RYR1: variants seen among roughly 807,000 people sequenced by gnomAD.
The protein encoded by RYR1 is central core disease of muscle.
Under a neutral mutation model 583.5 loss-of-function variants are expected in RYR1, and 342 were observed. The ratio of observed to expected loss-of-function variants is 0.59; its 90% CI spans 0.54 to 0.64. The LOEUF (loss-of-function observed/expected upper bound fraction) is 0.64, where lower values mean the gene tolerates loss of function less well. Ranked by LOEUF, RYR1 falls within the 30% of genes least tolerant of loss-of-function variation. The probability of loss-of-function intolerance (pLI) is 0.00; values close to 1 mark genes in which losing one functional copy is unlikely to be tolerated. For synonymous variants in RYR1, 2,791 were observed against 2,822.5 expected (o/e 0.99, Z 0.35); for missense variants, 6,032 against 6,917.2 (o/e 0.87, Z 4.54).
At chr19:38,468,032 T>C (rs1968204510) in intron 25 of RYR1, 1 of 561,018 alleles carries the variant, frequency 1.8e-6, no homozygotes, top group East Asian at 3.0e-5. Context: ...AATTCATCCA[T>C]CCATCCATCC....
intron 84 of RYR1, among the ~76,000 whole-genome samples, chr19:38,539,238 C>CTT (rs766181329): frequency 1.5e-4 from 18 of 118,708 alleles, no homozygotes; most frequent in African/African-American, 1.9e-4. Context: ...AAGATTTTTT[C>CTT]TTTTTTTTTT....
chr19:38,524,015 C>G, intron 70 of RYR1, 86 bp downstream of exon 70: 7 of 1,507,086 alleles, frequency 4.6e-6, no homozygotes, highest in Non-Finnish European at 6.4e-6. Flanking sequence ...CTCGAGAAAA[C>G]CCCTGCTTCT....
chr19:38,578,391 A>T (rs1482228954), intron 99 of RYR1, among the ~76,000 whole-genome samples, 187 bp downstream of exon 99: 1 of 151,472 alleles, frequency 6.6e-6, no homozygotes, highest in African/African-American at 2.4e-5. Context: ...TATTATTACT[A>T]TTTTTTTTTA....
intron 89 of RYR1, among the ~76,000 whole-genome samples, chr19:38,555,231 G>T (rs1159382054): frequency 6.6e-6 from 1 of 152,050 alleles, no homozygotes; most frequent in East Asian, 1.9e-4. Flanking sequence ...AGAGTGGACT[G>T]TTTGAGTCCA....
At position 38,494,560 on chromosome 19, in the gene RYR1, G is replaced by C; in HGVS notation, c.6483G>C (p.Gln2161His). ...DTMSLLECLG[Q>H]IRSLLIVQMG... ...TGAGCCTGCTCGAGTGCCTCGGCCA[G>C]ATCCGCTCGCTGCTCATCGTGCAGA... The change falls in exon 39 of 106, where the codon CAG becomes CAC. Residue 2161 changes from glutamine (Q) to histidine (H), a missense_variant. Physicochemically the swap from Gln to His is conservative, Grantham distance 24 (BLOSUM62 0). Around this residue, in one of 11 missense-constraint regions of RYR1, gnomAD observed 2,627 missense variants for 2,961.3 expected, o/e 0.89. Coordinates refer to ENST00000359596, the MANE Select transcript of RYR1 (RefSeq NM_000540.3). 1 of 1,614,132 alleles carries C rather than the reference G, an allele frequency of 6.2e-7. No homozygotes were observed. The highest frequency in any genetic ancestry group is 8.5e-7 in the Non-Finnish European group (1 of 1,180,030).
In RYR1 at chr19:38,442,305, G is replaced by C. The variant is rs115526671; in HGVS notation, c.166-44G>C. On this transcript the variant is annotated intron_variant, in intron 2 of 105. Transcript: ENST00000359596. ...TGTGGCAGGGAATGTTGCTGGGGTG[G>C]GGGGGTCTTCTGACCCCTCACTTAC... 5,772 of 1,300,852 alleles carry C rather than the reference G, an allele frequency of 4.4e-3. 196 individuals carry two copies. The African/African-American group carries it at 0.071, about 16-fold the overall frequency. 80.6% of individuals were successfully genotyped at this position (1,300,852 alleles called of 1,614,324 possible).
In RYR1 at chr19:38,500,536, G is replaced by C. The variant is rs1390940731; in HGVS notation, c.7324-70G>C. On this transcript the variant is annotated intron_variant, in intron 45 of 105. Transcript: ENST00000359596. This position sits in a 1 kb window ranked among gnomAD's most constrained non-coding sequence, Gnocchi z 5.9. ...TCTACCCTCCTGTGTGGTAAGGGAGGGAGCAGAGCAGTCACTGAGTGGGGC... is the reference window on the plus strand; with the variant it reads ...TCTACCCTCCTGTGTGGTAAGGGAGCGAGCAGAGCAGTCACTGAGTGGGGC... 1.2e-6 allele frequency: 2 copies of C among 1,602,084 alleles called. No homozygotes were observed. The highest frequency in any genetic ancestry group is 3.3e-5 in the Admixed American group (2 of 59,980).
In RYR1 at chr19:38,564,571, G is replaced by T. The variant is rs192628584; in HGVS notation, c.12625-388G>T. Among the ~76,000 whole-genome samples, 5 of 151,466 alleles carry T rather than the reference G, an allele frequency of 3.3e-5. No individual in the cohort carries two copies. The East Asian group carries it at 9.7e-4, about 29-fold the overall frequency. ...TTCACTCTGTTGCCCAGGCTGGAGTGCAGTGGCACGATCACAGCTCATGGC... is the reference window on the plus strand; with the variant it reads ...TTCACTCTGTTGCCCAGGCTGGAGTTCAGTGGCACGATCACAGCTCATGGC... On this transcript the variant is annotated intron_variant, in intron 90 of 105. Coordinates refer to ENST00000359596, the MANE Select transcript of RYR1 (RefSeq NM_000540.3).
Position 38,500,960 on chromosome 19 carries a change from C to G in RYR1, c.7584C>G (p.Pro2528=), listed in dbSNP as rs1465698. 5.5e-5 allele frequency: 88 copies of G among 1,613,010 alleles called. No homozygotes were observed. The African/African-American group carries it at 9.1e-4, about 17-fold the overall frequency. The part of the protein sequence containing the change: ...LLHVLDVGFL[P]DMRAAASLDT... ...ACGTGCTGGACGTGGGGTTCCTGCC[C>G]GACATGAGGGCAGCCGCCTCGCTGG... The change falls in exon 47 of 106, where the codon CCC becomes CCG. Residue 2528 remains proline (P), a synonymous_variant. Transcript: ENST00000359596. This position sits in a 1 kb window ranked among gnomAD's most constrained non-coding sequence, Gnocchi z 5.9.
At chr19:38,510,360 A>G (rs1970672244) in intron 58 of RYR1, 138 bp from the exon 59 acceptor site, 1 of 854,288 alleles carries the variant, frequency 1.2e-6, no homozygotes. Flanking sequence ...GGTTTATCTC[A>G]AAGCCAACAC....
At chr19:38,531,631 C>T (rs894474351) in intron 76 of RYR1, among the ~76,000 whole-genome samples, 1 of 152,130 alleles carries the variant, frequency 6.6e-6, no homozygotes, top group African/African-American at 2.4e-5. Context: ...TTAGCTCCAG[C>T]AAACCTCACT....
Position 38,506,911 on chromosome 19 carries a change from G to A in RYR1, c.8775G>A (p.Glu2925=). 2 of 1,613,240 alleles carry A rather than the reference G, an allele frequency of 1.2e-6. No homozygotes were observed. The highest frequency in any genetic ancestry group is 2.2e-5 in the South Asian group (2 of 91,034). ...CACGAGATCGAGAGAAGGCCCAGGA[G>A]CTACTGAAATTCCTGCAGATGAATG... ...EKARDREKAQ[E]LLKFLQMNGY... Residue 2925 remains glutamate, a synonymous_variant, in exon 57 of 106, where the codon GAG becomes GAA. Coordinates refer to ENST00000359596, the MANE Select transcript of RYR1 (RefSeq NM_000540.3).
intron 42 of RYR1, among the ~76,000 whole-genome samples, chr19:38,498,180 G>C (rs1600815257): frequency 1.3e-5 from 2 of 152,190 alleles, no homozygotes; most frequent in Non-Finnish European, 2.9e-5. Context: ...TAGTGAGGGT[G>C]AGGGCAGGAG....
intron 89 of RYR1, among the ~76,000 whole-genome samples, chr19:38,559,370 A>G (rs1416168076): frequency 6.6e-6 from 1 of 151,106 alleles, no homozygotes; most frequent in Admixed American, 6.6e-5. Context: ...AGTAGCTGGG[A>G]TTACAGGCAC....
At chr19:38,459,475 C>G in intron 19 of RYR1, 137 bp downstream of exon 19, 10 of 820,466 alleles carry the variant, frequency 1.2e-5, no homozygotes, top group Non-Finnish European at 2.0e-5. Context: ...GTCCAGAACC[C>G]TTACTTGAAG....
chr19:38,496,390 A>T lies in RYR1; in HGVS notation c.6664-19A>T. The stretch of plus-strand genomic sequence containing the variant: ...AGGCAGCCACAGAGGGCAGGCCCTG[A>T]CCACCCTGCCTGTCCCAGGAGATCC... On this transcript the variant is annotated intron_variant, in intron 40 of 105. Coordinates refer to ENST00000359596, the MANE Select transcript of RYR1 (RefSeq NM_000540.3). The surrounding 1 kb of genome is among the most constrained non-coding windows in gnomAD (Gnocchi z 4.8). 6.2e-7 allele frequency: 1 copy of T among 1,613,460 alleles called. No individual in the cohort carries two copies. The highest frequency in any genetic ancestry group is 8.5e-7 in the Non-Finnish European group (1 of 1,179,954).
chr19:38,473,452 A>C lies in RYR1; in HGVS notation c.3841A>C (p.Ser1281Arg). ...LTHRTWGSQN[S>R]LVEMLFLRLS... is the part of the protein sequence containing the mutation. Reference sequence around the variant, plus strand: ...CCACCGCACCTGGGGCTCCCAGAACAGCCTGGTGGAGATGCTTTTCCTGCG... The same window carrying C: ...CCACCGCACCTGGGGCTCCCAGAACCGCCTGGTGGAGATGCTTTTCCTGCG... Residue 1281 changes from serine (S) to arginine (R), a missense_variant, in exon 28 of 106, where the codon AGC (serine) becomes CGC (arginine). Coordinates refer to ENST00000359596, the MANE Select transcript of RYR1 (RefSeq NM_000540.3). The C allele has an allele frequency of 6.2e-7, 1 of 1,613,944 alleles. No individual in the cohort carries two copies. Among genetic ancestry groups the C allele is most frequent in the Admixed American group, 1.7e-5 (1 of 60,016 alleles).
chr19:38,479,265 A>G (rs1023715891), intron 31 of RYR1, among the ~76,000 whole-genome samples: 2 of 152,198 alleles, frequency 1.3e-5, no homozygotes, highest in African/African-American at 4.8e-5. Flanking sequence ...AACACCCTGT[A>G]CCCACCACCT....
intron 84 of RYR1, among the ~76,000 whole-genome samples, chr19:38,539,238 CT>C (rs766181329): frequency 0.13 from 15,170 of 118,694 alleles, 831 homozygotes; most frequent in South Asian, 0.28. Flanking sequence ...AAGATTTTTT[CT>C]TTTTTTTTTT....
Sources: allele counts gnomAD v4.1 joint callset (sites outside exome capture counted in the v4.1 genomes callset), GRCh38; gene constraint gnomAD v4.1.1; regional missense constraint gnomAD v4.1.1; non-coding constraint Gnocchi (gnomAD v3.1); transcripts MANE v1.5; gene names NCBI Gene and HGNC (gene_info 2026-07-23, HGNC 2026-07-21).